XNDC1N: variants seen among roughly 807,000 people sequenced by gnomAD.
XNDC1N encodes the protein XRCC1 N-terminal domain containing 1, N-terminal like, also known as protein XNDC1N.
At chr11:71,901,192 C>T in the XNDC1N span, among the ~76,000 whole-genome samples, 6 of 152,242 alleles carry the variant, frequency 3.9e-5, no homozygotes, top group Non-Finnish European at 7.3e-5. Context: ...TCTTGACTTC[C>T]ACAAAGCAGT....
At chr11:71,925,480 C>T in the XNDC1N span, among the ~76,000 whole-genome samples, 1 of 152,100 alleles carries the variant, frequency 6.6e-6, no homozygotes, top group South Asian at 2.1e-4. Flanking sequence ...GCGGCTAAGG[C>T]TTCAAAGACA....
the XNDC1N span, among the ~76,000 whole-genome samples, chr11:71,888,305 G>A: frequency 6.6e-5 from 10 of 152,322 alleles, no homozygotes; most frequent in African/African-American, 2.2e-4. Context: ...GAGCCTAAGA[G>A]CTGAAGGCAG....
chr11:71,906,557 G>T, the XNDC1N span, among the ~76,000 whole-genome samples: 1 of 152,206 alleles, frequency 6.6e-6, no homozygotes, highest in East Asian at 1.9e-4. Context: ...ATATCAAAGG[G>T]TGTACACGCA....
At chr11:71,916,874 G>A in the XNDC1N span, 1 of 155,938 alleles carries the variant, frequency 6.4e-6, no homozygotes, top group African/African-American at 2.4e-5. Flanking sequence ...TTTTTCTGTA[G>A]TGCCTAGTGA....
chr11:71,916,934 C>G, the XNDC1N span: 1 of 159,060 alleles, frequency 6.3e-6, no homozygotes, highest in Non-Finnish European at 1.4e-5. Context: ...ACAACTATAA[C>G]CACTATGTAG....
At chr11:71,925,566 A>G in the XNDC1N span, among the ~76,000 whole-genome samples, 9 of 151,936 alleles carry the variant, frequency 5.9e-5, no homozygotes, top group Non-Finnish European at 1.0e-4. Context: ...CACTACGGGA[A>G]CTCACTGGGC....
chr11:71,896,799 C>A, the XNDC1N span, among the ~76,000 whole-genome samples: 1 of 146,870 alleles, frequency 6.8e-6, no homozygotes, highest in Admixed American at 6.7e-5. Flanking sequence ...CCTGACCTCA[C>A]GTGATCCACC....
the XNDC1N span, among the ~76,000 whole-genome samples, chr11:71,918,631 A>T: frequency 6.6e-6 from 1 of 152,194 alleles, no homozygotes; most frequent in African/African-American, 2.4e-5. Context: ...GGCCACTAAG[A>T]TCAAAGCATG....
At chr11:71,889,539 G>T in the XNDC1N span, among the ~76,000 whole-genome samples, 1 of 152,222 alleles carries the variant, frequency 6.6e-6, no homozygotes, top group Non-Finnish European at 1.5e-5. Flanking sequence ...TAGCAGATGG[G>T]AGAGTAGCTG....
chr11:71,888,412 G>C, the XNDC1N span, among the ~76,000 whole-genome samples: 68 of 152,270 alleles, frequency 4.5e-4, no homozygotes, highest in Non-Finnish European at 8.2e-4. Flanking sequence ...CAAGGGGGCG[G>C]GGACCGGGAA....
At chr11:71,901,963 C>T in the XNDC1N span, among the ~76,000 whole-genome samples, 3 of 152,100 alleles carry the variant, frequency 2.0e-5, no homozygotes, top group East Asian at 1.9e-4. Flanking sequence ...TGAAGTTCTG[C>T]TTTCCCTGCA....
chr11:71,871,933 G>A, the XNDC1N span, among the ~76,000 whole-genome samples: 3 of 152,114 alleles, frequency 2.0e-5, no homozygotes, highest in South Asian at 2.1e-4. Context: ...TAGTATCACC[G>A]CTTTGGAAAA....
the XNDC1N span, among the ~76,000 whole-genome samples, chr11:71,912,645 C>T: frequency 0.019 from 2,828 of 152,260 alleles, 94 homozygotes; most frequent in African/African-American, 0.064. Flanking sequence ...ATCCTCTCCC[C>T]TCACGATTAT....
At chr11:71,881,329 T>C in the XNDC1N span, among the ~76,000 whole-genome samples, 24 of 152,198 alleles carry the variant, frequency 1.6e-4, no homozygotes, top group Admixed American at 3.9e-4. Context: ...TAAATATAGA[T>C]GTATTAGGCC....
chr11:71,920,536 C>T, the XNDC1N span, among the ~76,000 whole-genome samples: 1 of 150,566 alleles, frequency 6.6e-6, no homozygotes, highest in African/African-American at 2.4e-5. Flanking sequence ...AACTCCTGAC[C>T]TCAGGTGATC....
chr11:71,897,422 G>T, the XNDC1N span, among the ~76,000 whole-genome samples: 7 of 152,138 alleles, frequency 4.6e-5, no homozygotes, highest in African/African-American at 1.4e-4. Flanking sequence ...GTCAGAAGAC[G>T]CGAGTAGACG....
At chr11:71,878,101 T>G in the XNDC1N span, among the ~76,000 whole-genome samples, 3 of 152,230 alleles carry the variant, frequency 2.0e-5, no homozygotes, top group Non-Finnish European at 4.4e-5. Flanking sequence ...ATCAGAAAAA[T>G]AAAATGAATG....
At chr11:71,924,595 G>A in the XNDC1N span, among the ~76,000 whole-genome samples, 13 of 152,078 alleles carry the variant, frequency 8.5e-5, no homozygotes, top group East Asian at 1.4e-3. Context: ...GGAGAATGGC[G>A]TGAACCCGGG....
At chr11:71,866,286 G>A in the XNDC1N span, among the ~76,000 whole-genome samples, 1 of 151,990 alleles carries the variant, frequency 6.6e-6, no homozygotes, top group Admixed American at 6.5e-5. Context: ...AAAGATTTCT[G>A]GGGAAAGGCT....
Sources: gnomAD v4.1 joint callset for allele counts (sites outside exome capture counted in the v4.1 genomes callset) on GRCh38, gnomAD v4.1.1 for gene constraint, MANE v1.5 for transcripts, NCBI Gene and HGNC (gene_info 2026-07-23, HGNC 2026-07-21) for gene names.